The following CTNNA3 variants were observed in gnomAD, a reference collection of about 807,000 sequenced individuals.
The protein encoded by CTNNA3 is catenin alpha-3.
Under a neutral mutation model 95.7 loss-of-function variants are expected in CTNNA3, and 76 were observed. That is an observed-to-expected ratio of 0.79 (90% CI 0.66 to 0.96). The LOEUF (loss-of-function observed/expected upper bound fraction) is 0.96, where lower values mean the gene tolerates loss of function less well. Ranked by LOEUF, CTNNA3 falls within the 40% of genes least tolerant of loss-of-function variation. The probability of loss-of-function intolerance (pLI) is 0.00; values close to 1 mark genes in which losing one functional copy is unlikely to be tolerated. For synonymous variants in CTNNA3, 431 were observed against 374.4 expected (o/e 1.15, Z -1.74); for missense variants, 1,191 against 1,089.8 (o/e 1.09, Z -1.31).
intron 12 of CTNNA3, among the ~76,000 whole-genome samples, chr10:66,356,373 G>C (rs1467227177): frequency 2.0e-5 from 3 of 151,502 alleles, no homozygotes; most frequent in Non-Finnish European, 2.9e-5. Flanking sequence ...TCTTTGACTA[G>C]CGTTTTGTAG....
At chr10:66,613,568 C>A (rs1844404058) in intron 10 of CTNNA3, among the ~76,000 whole-genome samples, 1 of 152,186 alleles carries the variant, frequency 6.6e-6, no homozygotes, top group East Asian at 1.9e-4. Flanking sequence ...ACTCTCTCCC[C>A]ACATAGATAC....
chr10:66,763,772 T>C (rs952204945), intron 9 of CTNNA3, among the ~76,000 whole-genome samples: 5 of 152,302 alleles, frequency 3.3e-5, no homozygotes, highest in African/African-American at 9.6e-5. Flanking sequence ...TGTGAAAAGC[T>C]GAAGCTACAT....
chr10:67,088,370 A>T (rs1857426667), intron 7 of CTNNA3, among the ~76,000 whole-genome samples: 1 of 151,958 alleles, frequency 6.6e-6, no homozygotes, highest in Non-Finnish European at 1.5e-5. Flanking sequence ...AACAATGCAT[A>T]TAGCCAATCC....
At chr10:67,707,618 T>G (rs1248318698) in intron 1 of CTNNA3, among the ~76,000 whole-genome samples, 10 of 152,102 alleles carry the variant, frequency 6.6e-5, no homozygotes. Context: ...GTCTTCACCA[T>G]TGGGATAAAA....
At position 67,579,301 on chromosome 10, in the gene CTNNA3, G is replaced by A. The variant is rs557645369; in HGVS notation, c.292+27556C>T. Among the ~76,000 whole-genome samples, 6 of 147,680 alleles carry A rather than the reference G, an allele frequency of 4.1e-5. No individual in the cohort carries two copies. In the South Asian group the frequency reaches 8.5e-4, roughly 21 times the overall value. On this transcript the variant is annotated intron_variant, in intron 3 of 17. Coordinates refer to ENST00000433211, the MANE Select transcript of CTNNA3 (RefSeq NM_013266.4). ...TCCCACCTATGAGTGAGAACATGCG[G>A]TCTTTGGTTTTCTGTCCTTGCGATA...
intron 15 of CTNNA3, among the ~76,000 whole-genome samples, chr10:66,029,722 T>G (rs934948312): frequency 6.6e-6 from 1 of 152,176 alleles, no homozygotes; most frequent in South Asian, 2.1e-4. Flanking sequence ...ACATTTGTAG[T>G]TTTCACTCAT....
At chr10:67,723,285 CCT>C (rs900321313) in intron 1 of CTNNA3, among the ~76,000 whole-genome samples, 5 of 151,070 alleles carry the variant, frequency 3.3e-5, no homozygotes, top group African/African-American at 1.2e-4. Context: ...CGGCACCTGG[CCT>C]CTTTTTTTTT....
At chr10:65,977,614 C>G (rs543407612) in intron 16 of CTNNA3, among the ~76,000 whole-genome samples, 1 of 151,846 alleles carries the variant, frequency 6.6e-6, no homozygotes, top group African/African-American at 2.4e-5. Flanking sequence ...AACCTCATCT[C>G]TACTCAAAAT....
chr10:66,621,975 C>A (rs1232853012), intron 9 of CTNNA3, among the ~76,000 whole-genome samples, 191 bp from the exon 10 acceptor site: 3 of 151,956 alleles, frequency 2.0e-5, no homozygotes, highest in Non-Finnish European at 4.4e-5. Context: ...AATAAAAGGA[C>A]CTAGATAATT....
At chr10:66,446,861 A>T (rs1048413840) in intron 11 of CTNNA3, among the ~76,000 whole-genome samples, 1 of 152,044 alleles carries the variant, frequency 6.6e-6, no homozygotes, top group Admixed American at 6.6e-5. Context: ...AGGGTATTCA[A>T]TTAGGAAAAG....
chr10:67,161,543 AATACT>A (rs1018722298), intron 7 of CTNNA3, among the ~76,000 whole-genome samples: 1 of 151,952 alleles, frequency 6.6e-6, no homozygotes, highest in African/African-American at 2.4e-5. Flanking sequence ...TATACTCAAA[AATACT>A]ATAGACACAT....
chr10:67,699,795 G>A (rs530778878), upstream of CTNNA3, among the ~76,000 whole-genome samples: 9 of 152,290 alleles, frequency 5.9e-5, no homozygotes, highest in East Asian at 5.8e-4. Context: ...GCAGTGCACC[G>A]TTCGCGAGCC....
At chr10:67,544,351 C>T (rs1840773997) in intron 3 of CTNNA3, among the ~76,000 whole-genome samples, 1 of 151,866 alleles carries the variant, frequency 6.6e-6, no homozygotes, top group South Asian at 2.1e-4. Flanking sequence ...GAGAAATGGA[C>T]CAAAAAAAAC....
chr10:67,461,047 G>C (rs1466682439), intron 5 of CTNNA3, among the ~76,000 whole-genome samples: 1 of 152,082 alleles, frequency 6.6e-6, no homozygotes, highest in East Asian at 1.9e-4. Context: ...ACACTACTTG[G>C]ATACTAAAAA....
chr10:67,448,157 G>A (rs528685943), intron 5 of CTNNA3, among the ~76,000 whole-genome samples: 47 of 152,240 alleles, frequency 3.1e-4, no homozygotes, highest in African/African-American at 1.1e-3. Flanking sequence ...CATATGATTC[G>A]TATGGTCTTA....
intron 11 of CTNNA3, among the ~76,000 whole-genome samples, chr10:66,444,321 G>A (rs952511929): frequency 6.6e-6 from 1 of 151,962 alleles, no homozygotes; most frequent in Non-Finnish European, 1.5e-5. Context: ...GAAATACAGA[G>A]AACACCACAA....
chr10:66,719,789 G>A (rs1236792551), intron 9 of CTNNA3, among the ~76,000 whole-genome samples: 1 of 152,044 alleles, frequency 6.6e-6, no homozygotes, highest in Non-Finnish European at 1.5e-5. Context: ...TGGCAGAGAG[G>A]GACTTTGCTG....
At chr10:67,225,549 C>T (rs1277230802) in intron 5 of CTNNA3, among the ~76,000 whole-genome samples, 1 of 152,186 alleles carries the variant, frequency 6.6e-6, no homozygotes, top group Non-Finnish European at 1.5e-5. Context: ...CATCACAGGA[C>T]TCTGTGCAGA....
intron 6 of CTNNA3, among the ~76,000 whole-genome samples, chr10:67,206,229 T>C (rs533642415): frequency 6.6e-6 from 1 of 152,230 alleles, no homozygotes; most frequent in Non-Finnish European, 1.5e-5. Context: ...GGAATAGTTA[T>C]CATTTATCTT....
Sources: gnomAD v4.1 joint callset for allele counts (sites outside exome capture counted in the v4.1 genomes callset) on GRCh38, gnomAD v4.1.1 for gene constraint, MANE v1.5 for transcripts, NCBI Gene and HGNC (gene_info 2026-07-23, HGNC 2026-07-21) for gene names.